The following WIPF1 variants were observed in gnomAD, a reference collection of about 807,000 sequenced individuals.
WIPF1 encodes WAS/WASL-interacting protein family member 1.
In WIPF1, 13 loss-of-function variants were observed where a neutral mutation model predicts 35.4. The observed-to-expected ratio is 0.37, with a 90% CI of 0.24 to 0.58. The LOEUF is 0.58. WIPF1 is among the 20% of genes least tolerant of loss of function. The probability of loss-of-function intolerance (pLI) is 0.74; values close to 1 mark genes in which losing one functional copy is unlikely to be tolerated. For missense variants in WIPF1, 591 were observed against 667.0 expected, an observed-to-expected ratio of 0.89 and a Z score of 1.25; for synonymous variants, 267 against 266.3, an observed-to-expected ratio of 1.00 and a Z score of -0.02.
In WIPF1 at chr2:174,560,491, A is replaced by T. The variant is rs914705116; in HGVS notation, c.*2056T>A. The T allele has an allele frequency of 1.3e-5, 2 of 152,642 alleles. No individual in the cohort carries two copies. The highest frequency in any genetic ancestry group is 1.3e-4 in the Admixed American group (2 of 15,284). 9.5% of individuals were successfully genotyped at this position (152,642 alleles called of 1,614,324 possible). The stretch of plus-strand genomic sequence containing the variant: ...GAAATGGGTCATTAGGCTTTATCAT[A>T]GGGATGTTTTTCACTGTTGAAATCA... On this transcript the variant is annotated 3_prime_UTR_variant, in exon 8 of 8. Transcript: ENST00000679041.
Position 174,562,343 on chromosome 2 carries a change from AT to A in WIPF1, c.*203del. ...AGGCAGGCTGCAGCTGAAGCAAGCA[AT>A]AGCCTGGAGAATAAACACAATATGA... On this transcript the variant is annotated 3_prime_UTR_variant, in exon 8 of 8. Transcript: ENST00000679041. The A allele has an allele frequency of 6.7e-7, 1 of 1,484,022 alleles. No individual in the cohort carries two copies. The highest frequency in any genetic ancestry group is 2.5e-5 in the East Asian group (1 of 40,352). 91.9% of individuals were successfully genotyped at this position (1,484,022 alleles called of 1,614,324 possible).
intron 1 of WIPF1, among the ~76,000 whole-genome samples, chr2:174,612,505 A>C (rs1465814264): frequency 6.6e-6 from 1 of 152,086 alleles, no homozygotes; most frequent in Non-Finnish European, 1.5e-5. Context: ...CTTGCATCTG[A>C]ATGTTTTGTA....
intron 1 of WIPF1, among the ~76,000 whole-genome samples, chr2:174,654,713 T>G (rs1687606917): frequency 6.6e-6 from 1 of 152,116 alleles, no homozygotes; most frequent in Non-Finnish European, 1.5e-5. Context: ...TTTTCCCTTC[T>G]ATATCTTCCG....
At chr2:174,668,141 AT>A (rs1687931711) in intron 1 of WIPF1, among the ~76,000 whole-genome samples, 1 of 152,190 alleles carries the variant, frequency 6.6e-6, no homozygotes, top group Non-Finnish European at 1.5e-5. Context: ...TAAAAAACAG[AT>A]TGTTCTATGT....
chr2:174,588,847 G>A (rs927546493), intron 1 of WIPF1, among the ~76,000 whole-genome samples: 5 of 152,228 alleles, frequency 3.3e-5, no homozygotes, highest in African/African-American at 1.2e-4. Context: ...ACTTTTTAGA[G>A]GGTGATGCAG....
intron 1 of WIPF1, among the ~76,000 whole-genome samples, chr2:174,620,993 A>G (rs1686655585): frequency 6.6e-6 from 1 of 152,204 alleles, no homozygotes; most frequent in Admixed American, 6.5e-5. Flanking sequence ...GTGGTCTGGG[A>G]TCAGGCAGTG....
At position 174,594,690 on chromosome 2, in the gene WIPF1, T is replaced by C. The variant is rs9753236; in HGVS notation, c.-39+2911A>G. ...TGTGCCACTGTTTCTCTCTCTCTCT[T>C]TCTCTCTCTCTCTCTCTCACACACA... is the stretch of plus-strand genomic sequence containing the variant. On this transcript the variant is annotated intron_variant, in intron 1 of 7. Transcript: ENST00000679041. Among the ~76,000 whole-genome samples the C allele has an allele frequency of 3.8e-5, 3 of 79,966 alleles. 1 individual carries two copies. In the Admixed American group the frequency reaches 3.8e-4, roughly 10 times the overall value. 52.5% of individuals were successfully genotyped at this position (79,966 alleles called of 152,430 possible). A position where few individuals can be genotyped will look rare whatever the true frequency, so the allele number is the denominator to read the frequency against.
In WIPF1 at chr2:174,571,395, G is replaced by T; in HGVS notation, c.1129+281C>A. ...TGGCAAGTACACTTCAGAGATGGAA[G>T]ATGAAAGTTCTTGCCTCTTCTTTAT... is the stretch of plus-strand genomic sequence containing the variant. On this transcript the variant is annotated intron_variant, in intron 5 of 7. Coordinates refer to ENST00000679041, the MANE Select transcript of WIPF1 (RefSeq NM_001375834.1). The surrounding 1 kb of genome is among the most constrained non-coding windows in gnomAD (Gnocchi z 4.6). 1 of 607,344 alleles carries T rather than the reference G, an allele frequency of 1.6e-6. No homozygotes were observed. Among genetic ancestry groups the T allele is most frequent in the Non-Finnish European group, 2.9e-6 (1 of 342,558 alleles). The allele number at this position is 607,344 out of a possible 1,614,324, so 37.6% of individuals were successfully genotyped here.
chr2:174,599,520 C>T (rs1685925404), upstream of WIPF1, among the ~76,000 whole-genome samples: 1 of 152,114 alleles, frequency 6.6e-6, no homozygotes, highest in Non-Finnish European at 1.5e-5. Flanking sequence ...GGCCTGGTGT[C>T]CACCCGTGAC....
At chr2:174,648,794 G>T (rs1218686688) in intron 1 of WIPF1, among the ~76,000 whole-genome samples, 4 of 152,096 alleles carry the variant, frequency 2.6e-5, no homozygotes, top group Admixed American at 6.6e-5. Context: ...AACACATCTA[G>T]CCTGATTAAA....
intron 7 of WIPF1, chr2:174,566,451 A>T (rs1684662823): frequency 6.6e-6 from 1 of 152,236 alleles, no homozygotes; most frequent in African/African-American, 2.4e-5. Context: ...ATATGCTGAA[A>T]TAAAAACCAT....
intron 1 of WIPF1, among the ~76,000 whole-genome samples, chr2:174,640,033 C>A (rs921830427): frequency 1.5e-4 from 23 of 151,932 alleles, no homozygotes; most frequent in African/African-American, 5.6e-4. Flanking sequence ...ATATAGAAAA[C>A]CCTAAAGACA....
chr2:174,588,523 T>C (rs1032336780), intron 1 of WIPF1, among the ~76,000 whole-genome samples: 1 of 152,220 alleles, frequency 6.6e-6, no homozygotes, highest in Admixed American at 6.5e-5. Flanking sequence ...AAAGGCCTCC[T>C]TAATTATTTT....
intron 1 of WIPF1, among the ~76,000 whole-genome samples, chr2:174,608,563 C>T (rs1686246744): frequency 6.6e-6 from 1 of 151,884 alleles, no homozygotes; most frequent in South Asian, 2.1e-4. Flanking sequence ...GCAAACATTT[C>T]CCAGTTACCA....
chr2:174,576,526 C>G (rs1350203550), intron 3 of WIPF1, among the ~76,000 whole-genome samples: 1 of 152,012 alleles, frequency 6.6e-6, no homozygotes, highest in Non-Finnish European at 1.5e-5. Context: ...TATCATGAAG[C>G]CCAATAGTAG....
At chr2:174,578,908 A>C (rs1685149011) in intron 3 of WIPF1, among the ~76,000 whole-genome samples, 2 of 152,226 alleles carry the variant, frequency 1.3e-5, no homozygotes, top group Admixed American at 1.3e-4. Flanking sequence ...TTCAAACACT[A>C]TTCATTGATG....
At chr2:174,627,523 C>T (rs1472790317) in intron 1 of WIPF1, among the ~76,000 whole-genome samples, 7 of 147,296 alleles carry the variant, frequency 4.8e-5, no homozygotes, top group African/African-American at 1.8e-4. Flanking sequence ...TCCTTCCCTC[C>T]CTCCTTCTCT....
intron 1 of WIPF1, chr2:174,634,465 T>G (rs1310108114): frequency 6.6e-6 from 1 of 152,188 alleles, no homozygotes; most frequent in Admixed American, 6.5e-5. Context: ...GAAAGAGAAT[T>G]AGGTATTTTA....
chr2:174,656,055 G>A (rs1687633850), intron 1 of WIPF1: 1 of 152,236 alleles, frequency 6.6e-6, no homozygotes, highest in South Asian at 2.1e-4. Context: ...CCACCAGTAA[G>A]AAGCCCTGTG....
Sources: allele counts gnomAD v4.1 joint callset (sites outside exome capture counted in the v4.1 genomes callset), GRCh38; gene constraint gnomAD v4.1.1; non-coding constraint Gnocchi (gnomAD v3.1); transcripts MANE v1.5; gene names NCBI Gene and HGNC (gene_info 2026-07-23, HGNC 2026-07-21).